BEND3: variants seen among roughly 807,000 people sequenced by gnomAD.
The protein encoded by BEND3 is BEN domain-containing protein 3.
BEND3 carries 13 observed loss-of-function variants against 60.1 expected under a neutral mutation model. The observed-to-expected ratio is 0.22, with a 90% CI of 0.14 to 0.34. The LOEUF (loss-of-function observed/expected upper bound fraction) is 0.34. Among genes scored for constraint, BEND3 ranks in the 10% least tolerant of loss-of-function variants. BEND3 has a pLI of 1.00. For synonymous variants in BEND3, 497 were observed against 491.5 expected, an observed-to-expected ratio of 1.01 and a Z score of -0.15; for missense variants, 896 against 1,138.1, an observed-to-expected ratio of 0.79 and a Z score of 3.06.
chr6:107,094,545 C>A (rs782165771), intron 3 of BEND3, among the ~76,000 whole-genome samples: 1 of 151,764 alleles, frequency 6.6e-6, no homozygotes, highest in African/African-American at 2.4e-5. Flanking sequence ...CGCTTGAACC[C>A]AGCAGGCAGA....
chr6:107,104,153 GGT>G (rs1423176617), intron 1 of BEND3, among the ~76,000 whole-genome samples: 1 of 151,730 alleles, frequency 6.6e-6, no homozygotes, highest in Non-Finnish European at 1.5e-5. Context: ...AGCCAGGCGT[GGT>G]GGCGGGCGCC....
intron 1 of BEND3, among the ~76,000 whole-genome samples, chr6:107,107,754 G>A (rs557317790): frequency 1.1e-4 from 16 of 152,326 alleles, no homozygotes; most frequent in African/African-American, 2.9e-4. Context: ...GAGCCATCCC[G>A]CCCAGCCTAA....
chr6:107,099,649 G>C (rs1417245795), intron 1 of BEND3, among the ~76,000 whole-genome samples: 6 of 152,090 alleles, frequency 3.9e-5, no homozygotes, highest in African/African-American at 1.4e-4. Flanking sequence ...ATAAATTCCA[G>C]CCACAAAACA....
chr6:107,103,816 C>T (rs1430326720), intron 1 of BEND3, among the ~76,000 whole-genome samples: 2 of 151,892 alleles, frequency 1.3e-5, no homozygotes, highest in African/African-American at 2.4e-5. Flanking sequence ...GGCATGGTGG[C>T]GCGTGCCTGT....
At position 107,065,693 on chromosome 6, in the gene BEND3, G is replaced by C. The variant is rs1166302898; in HGVS notation, c.*3011C>G. 1 of 152,216 alleles carries C rather than the reference G, an allele frequency of 6.6e-6. No homozygotes were observed. The highest frequency in any genetic ancestry group is 1.9e-4 in the East Asian group (1 of 5,202). 9.4% of individuals were successfully genotyped at this position (152,216 alleles called of 1,614,324 possible). On this transcript the variant is annotated 3_prime_UTR_variant, in exon 4 of 4. Transcript: ENST00000369042. ...ATGAACCCAGTGGTCATGCTGTGGT[G>C]TGGTCAGACCAGCAACTTTTACCAA...
chr6:107,112,416 T>A (rs1400694922), intron 1 of BEND3, among the ~76,000 whole-genome samples: 1 of 152,152 alleles, frequency 6.6e-6, no homozygotes, highest in Non-Finnish European at 1.5e-5. Flanking sequence ...TGTTAATAGA[T>A]TGTTGGGATG....
At position 107,069,537 on chromosome 6, in the gene BEND3, C is replaced by G; in HGVS notation, c.1654G>C (p.Asp552His). The G allele has an allele frequency of 6.2e-7, 1 of 1,613,012 alleles. No individual in the cohort carries two copies. The highest frequency in any genetic ancestry group is 8.5e-7 in the Non-Finnish European group (1 of 1,179,948). Residue 552 changes from aspartate (D) to histidine (H), a missense_variant, in exon 4 of 4, where the codon GAC becomes CAC. This residue lies in a region of BEND3 where 846 missense variants were observed against 1,036.7 expected (regional missense o/e 0.82). Transcript: ENST00000369042. ...PQPDFEVPGADCLLSKEQLRS... is the reference protein window; with the variant it reads ...PQPDFEVPGAHCLLSKEQLRS... ...AGCTGCTCCTTGCTGAGCAGGCAGTCGGCACCGGGCACCTCGAAGTCAGGC... is the reference window on the plus strand; with the variant it reads ...AGCTGCTCCTTGCTGAGCAGGCAGTGGGCACCGGGCACCTCGAAGTCAGGC...
chr6:107,109,458 A>AAAAAAAAAAAAAAC (rs1775894402), intron 1 of BEND3, among the ~76,000 whole-genome samples: 1 of 148,630 alleles, frequency 6.7e-6, no homozygotes, highest in Non-Finnish European at 1.5e-5. Context: ...AAAAAAAAAA[A>AAAAAAAAAAAAAAC]TCGAGGTGGG....
Position 107,108,177 on chromosome 6 carries a change from A to G in BEND3, c.-12+6913T>C, listed in dbSNP as rs1366276923. ...TTGTAGCTGCCTTCCTTATTCAGTC[A>G]GAGCACAACCTCATCTTCCGCATGC... On this transcript the variant is annotated intron_variant, in intron 1 of 3. Transcript: ENST00000369042. Among the ~76,000 whole-genome samples, 4 of 152,252 alleles carry G rather than the reference A, an allele frequency of 2.6e-5. No individual in the cohort carries two copies. The East Asian group carries it at 7.7e-4, about 29-fold the overall frequency.
rs143347539 is a variant in BEND3 at position 107,090,268 on chromosome 6, G to A, written c.240+8283C>T. Among the ~76,000 whole-genome samples, 381 of 152,254 alleles carry A rather than the reference G, an allele frequency of 2.5e-3. 3 individuals are homozygous for A. Among genetic ancestry groups the A allele is most frequent in the African/African-American group, 8.9e-3 (370 of 41,558 alleles). On this transcript the variant is annotated intron_variant, in intron 3 of 3. Coordinates refer to ENST00000369042, the MANE Select transcript of BEND3 (RefSeq NM_001367314.1). ...GGAGGCTGAGGCACGAGAATCACTT[G>A]AACCTTGGAGGTGGAGGTCGCACTG...
chr6:107,069,640 G>A lies in BEND3; in HGVS notation c.1551C>T (p.Phe517=), dbSNP rs782103157. Residue 517 remains phenylalanine, a synonymous_variant, in exon 4 of 4, where the codon TTC becomes TTT. Transcript: ENST00000369042. ...AGCGGCGACCCGGCCGCTCGCCCTC[G>A]AAGCTGTCCTCCACCTTGACCACTG... ...DISVVKVEDS[F]EGERPGRRSK... The A allele has an allele frequency of 1.1e-5, 17 of 1,610,358 alleles. No homozygotes were observed. The highest frequency in any genetic ancestry group is 3.3e-5 in the South Asian group (3 of 91,080).
intron 2 of BEND3, 79 bp downstream of exon 2, chr6:107,099,168 ATT>A (rs1775652177): frequency 5.1e-6 from 6 of 1,187,338 alleles, no homozygotes; most frequent in Non-Finnish European, 7.5e-6. Context: ...AACTTTGTAT[ATT>A]TTTGGACCAT....
rs781904336 is a variant in BEND3 at position 107,069,684 on chromosome 6, TGGA to T, written c.1504_1506del (p.Ser503del). ...ACCACTGAGATGTCGTCGGGCAGAC[TGGA>T]GGAGTCGTAGCAGTCATCACGCGGG... On this transcript the variant is annotated inframe_deletion, in exon 4 of 4. Transcript: ENST00000369042. 14 of 1,609,686 alleles carry T rather than the reference TGGA, an allele frequency of 8.7e-6. No homozygotes were observed. Among genetic ancestry groups the T allele is most frequent in the Admixed American group, 3.3e-5 (2 of 59,994 alleles).
chr6:107,107,667 T>C (rs577498400), intron 1 of BEND3, among the ~76,000 whole-genome samples: 2 of 152,122 alleles, frequency 1.3e-5, no homozygotes. Flanking sequence ...TTTACCATGT[T>C]GGCCAGGATG....
chr6:107,095,574 C>T (rs1182359266), intron 3 of BEND3, among the ~76,000 whole-genome samples: 2 of 152,126 alleles, frequency 1.3e-5, no homozygotes, highest in Admixed American at 1.3e-4. Flanking sequence ...CTTATGTCCA[C>T]ATGAAAACCT....
At position 107,070,284 on chromosome 6, in the gene BEND3, G is replaced by A; in HGVS notation, c.907C>T (p.His303Tyr). Residue 303 changes from histidine to tyrosine, a missense_variant, in exon 4 of 4, where the codon CAC (histidine) becomes TAC (tyrosine). Physicochemically the swap from His to Tyr is moderately conservative, Grantham distance 83. Around this residue, in one of 4 missense-constraint regions of BEND3, gnomAD observed 846 missense variants for 1,036.7 expected, o/e 0.82. Transcript: ENST00000369042. The surrounding 1 kb of genome is among the most constrained non-coding windows in gnomAD (Gnocchi z 6.9). ...ACATAGTTGCGGATGAGCTGCAGGT[G>A]CAGCGACTCCAGCTTGCGCTTGGCC... ...FAAKRKLESL[H>Y]LQLIRNYVEV... 2.5e-6 allele frequency: 4 copies of A among 1,613,044 alleles called. No individual in the cohort carries two copies. The highest frequency in any genetic ancestry group is 3.4e-6 in the Non-Finnish European group (4 of 1,180,014).
chr6:107,114,663 C>G (rs1239533997), intron 1 of BEND3, among the ~76,000 whole-genome samples: 1 of 128,900 alleles, frequency 7.8e-6, no homozygotes, highest in Non-Finnish European at 1.8e-5. Flanking sequence ...TACGGCAGAG[C>G]CTTCCGGCCG....
In BEND3 at chr6:107,068,794, G is replaced by A. The variant is rs140272293; in HGVS notation, c.2397C>T (p.Tyr799=). 42 of 1,613,964 alleles carry A rather than the reference G, an allele frequency of 2.6e-5. No homozygotes were observed. In the African/African-American group the frequency reaches 4.8e-4, roughly 18 times the overall value. ...TCTCATCGATGCTGGGGATACATTC[G>A]TAGTGCCACACCTCCTCCATCTTCT... is the stretch of plus-strand genomic sequence containing the variant. The part of the protein sequence containing the change: ...PVEKMEEVWH[Y]ECIPSIDERC... The change falls in exon 4 of 4, where the codon TAC becomes TAT. Residue 799 remains tyrosine (Y), a synonymous_variant. Transcript: ENST00000369042. This position sits in a 1 kb window ranked among gnomAD's most constrained non-coding sequence, Gnocchi z 5.8.
At chr6:107,108,149 T>C (rs1284369873) in intron 1 of BEND3, among the ~76,000 whole-genome samples, 2 of 152,262 alleles carry the variant, frequency 1.3e-5, no homozygotes, top group Admixed American at 1.3e-4. Flanking sequence ...TCTAAAGCTG[T>C]AATTGTAGCT....
Sources: allele counts gnomAD v4.1 joint callset (sites outside exome capture counted in the v4.1 genomes callset), GRCh38; gene constraint gnomAD v4.1.1; regional missense constraint gnomAD v4.1.1; non-coding constraint Gnocchi (gnomAD v3.1); transcripts MANE v1.5; gene names NCBI Gene and HGNC (gene_info 2026-07-23, HGNC 2026-07-21).